The following SART3 variants were observed in gnomAD, a reference collection of about 807,000 sequenced individuals.
SART3 encodes the protein HIV-1 Tat-interacting protein of 110kDa.
SART3 carries 44 observed loss-of-function variants against 122.3 expected under a neutral mutation model. That is an observed-to-expected ratio of 0.36 (90% CI 0.28 to 0.46). The LOEUF is 0.46. Among genes scored for constraint, SART3 ranks in the 20% least tolerant of loss-of-function variants. The pLI is 1.00. For synonymous variants in SART3, 442 were observed against 454.0 expected (o/e 0.97, Z 0.34); for missense variants, 1,101 against 1,229.0 (o/e 0.90, Z 1.56).
intron 1 of SART3, among the ~76,000 whole-genome samples, chr12:108,557,951 C>T (rs1211021461): frequency 6.6e-6 from 1 of 152,144 alleles, no homozygotes; most frequent in Non-Finnish European, 1.5e-5. Flanking sequence ...ATCACTTCAG[C>T]TCAGGAATTC....
intron 4 of SART3, 107 bp from the exon 5 acceptor site, chr12:108,544,585 T>G (rs993736342): frequency 1.4e-5 from 21 of 1,504,674 alleles, no homozygotes; most frequent in African/African-American, 2.8e-5. Flanking sequence ...TCTTTTTCTT[T>G]TGAGAAGGGT....
In SART3 at chr12:108,532,275, C is replaced by T; in HGVS notation, c.1616G>A (p.Ser539Asn). The T allele has an allele frequency of 6.2e-7, 1 of 1,614,216 alleles. No individual in the cohort carries two copies. The highest frequency in any genetic ancestry group is 1.1e-5 in the South Asian group (1 of 91,088). Residue 539 changes from serine to asparagine, a missense_variant, in exon 13 of 19, where the codon AGT becomes AAT. Transcript: ENST00000546815. ...KALHRAVQCTSDYPEHVCEVL... is the reference protein window; with the variant it reads ...KALHRAVQCTNDYPEHVCEVL... ...TTCGCAGACGTGCTCTGGGTAGTCA[C>T]TGGTGCACTGGACGGCCCGGTGCAG...
intron 17 of SART3, 137 bp downstream of exon 17, chr12:108,525,320 C>A (rs1335500949): frequency 4.6e-6 from 4 of 871,432 alleles, no homozygotes; most frequent in Non-Finnish European, 7.5e-6. Context: ...AAGTGCAGAT[C>A]TTTCTGTGAA....
In SART3 at chr12:108,523,214, G is replaced by A; in HGVS notation, c.*243C>T. 1.7e-6 allele frequency: 1 copy of A among 588,748 alleles called. No homozygotes were observed. The highest frequency in any genetic ancestry group is 3.0e-5 in the Admixed American group (1 of 33,762). 36.5% of individuals were successfully genotyped at this position (588,748 alleles called of 1,614,324 possible). On this transcript the variant is annotated 3_prime_UTR_variant, in exon 19 of 19. Coordinates refer to ENST00000546815, the MANE Select transcript of SART3 (RefSeq NM_014706.4). ...GTCTTTAAGATACAAAACTATCTCA[G>A]GACACCACATCCTGGGCCCAGCCTG... is the stretch of plus-strand genomic sequence containing the variant.
chr12:108,530,049 G>C, intron 15 of SART3, 93 bp downstream of exon 15: 1 of 1,422,826 alleles, frequency 7.0e-7, no homozygotes, highest in Non-Finnish European at 9.9e-7. Flanking sequence ...TATCAAGCTG[G>C]TAACGGTTCA....
intron 5 of SART3, 91 bp from the exon 6 acceptor site, chr12:108,543,243 G>T (rs922108044): frequency 1.4e-6 from 2 of 1,467,548 alleles, no homozygotes; most frequent in East Asian, 2.3e-5. Context: ...GGTGCCACTA[G>T]CCCCTCCCAC....
intron 8 of SART3, 107 bp downstream of exon 8, chr12:108,537,957 TA>T: frequency 6.9e-7 from 1 of 1,455,530 alleles, no homozygotes; most frequent in Non-Finnish European, 9.6e-7. Context: ...CTACACTCCA[TA>T]ACCCAAAGAA....
chr12:108,533,317 T>G (rs139066844), intron 12 of SART3, among the ~76,000 whole-genome samples: 1 of 149,480 alleles, frequency 6.7e-6, no homozygotes, highest in Non-Finnish European at 1.5e-5. Flanking sequence ...GAAATCTTTT[T>G]AATGCACTGT....
chr12:108,525,869 AAAGC>A, intron 16 of SART3: 1 of 619,624 alleles, frequency 1.6e-6, no homozygotes, highest in Middle Eastern at 4.3e-4. Context: ...TGACACACAT[AAAGC>A]ATTCAGCACA....
intron 9 of SART3, 146 bp from the exon 10 acceptor site, chr12:108,536,931 C>T (rs1872933409): frequency 9.4e-6 from 7 of 746,930 alleles, no homozygotes; most frequent in African/African-American, 3.5e-5. Flanking sequence ...AATTCCTGCC[C>T]TCATCACATA....
At chr12:108,528,300 T>C (rs897584895) in intron 15 of SART3, among the ~76,000 whole-genome samples, 2 of 151,740 alleles carry the variant, frequency 1.3e-5, no homozygotes, top group Admixed American at 1.3e-4. Context: ...CTGGCTAACA[T>C]GGTGAAACCC....
chr12:108,539,215 C>G, intron 6 of SART3, 126 bp from the exon 7 acceptor site: 1 of 907,188 alleles, frequency 1.1e-6, no homozygotes, highest in Non-Finnish European at 1.7e-6. Flanking sequence ...ACTCTCAGAA[C>G]CACTCCACTA....
chr12:108,549,821 G>C (rs1372919073), intron 1 of SART3, among the ~76,000 whole-genome samples: 5 of 151,882 alleles, frequency 3.3e-5, no homozygotes, highest in Admixed American at 6.6e-5. Flanking sequence ...TTCGAGACCA[G>C]CCTCAGCAAC....
Position 108,524,231 on chromosome 12 carries a change from T to C in SART3, c.2714+85A>G, listed in dbSNP as rs917788469. On this transcript the variant is annotated intron_variant, in intron 18 of 18. Transcript: ENST00000546815. ...CTTTTCTGTCCTAACAGGAAGCTAA[T>C]TCATCCCGGGTTAATCCCCCCGTGA... is the stretch of plus-strand genomic sequence containing the variant. 5.2e-6 allele frequency: 6 copies of C among 1,159,600 alleles called. No homozygotes were observed. The African/African-American group carries it at 6.0e-5, about 12-fold the overall frequency. 71.8% of individuals were successfully genotyped at this position (1,159,600 alleles called of 1,614,324 possible).
intron 1 of SART3, among the ~76,000 whole-genome samples, chr12:108,558,747 G>C (rs564596790): frequency 6.6e-6 from 1 of 152,288 alleles, no homozygotes; most frequent in Admixed American, 6.5e-5. Context: ...TTTATAAAAA[G>C]TAGAGGGCAG....
At chr12:108,541,100 A>G (rs1056504775) in intron 6 of SART3, among the ~76,000 whole-genome samples, 1 of 152,230 alleles carries the variant, frequency 6.6e-6, no homozygotes, top group Non-Finnish European at 1.5e-5. Flanking sequence ...ATCAAAAGAC[A>G]CTGTTAAAAA....
rs376599668 is a variant in SART3, at chr12:108,535,283, G to A, written c.1556+76C>T. 6.1e-6 allele frequency: 7 copies of A among 1,147,422 alleles called. No individual in the cohort carries two copies. The African/African-American group carries it at 1.1e-4, about 17-fold the overall frequency. The allele number at this position is 1,147,422 out of a possible 1,614,324, so 71.1% of individuals were successfully genotyped here. A position where few individuals can be genotyped will look rare whatever the true frequency, so the allele number is the denominator to read the frequency against. On this transcript the variant is annotated intron_variant, in intron 12 of 18. Transcript: ENST00000546815. The stretch of plus-strand genomic sequence containing the variant: ...AGTTCTAAGGAGCTAGTCCAAGCTG[G>A]TAGGAGTCAGCCAGGAGTGAAGACA...
In SART3 at chr12:108,532,514, G is replaced by A. The variant is rs1302361977; in HGVS notation, c.1557-180C>T. ...TTCCAGAGTCTCTACAGTCACCTACGAAGTATTTCCCTGAAGCACTCTCTC... is the reference window on the plus strand; with the variant it reads ...TTCCAGAGTCTCTACAGTCACCTACAAAGTATTTCCCTGAAGCACTCTCTC... On this transcript the variant is annotated intron_variant, in intron 12 of 18. Coordinates refer to ENST00000546815, the MANE Select transcript of SART3 (RefSeq NM_014706.4). The A allele has an allele frequency of 1.2e-5, 7 of 588,858 alleles. No individual in the cohort carries two copies. The Admixed American group carries it at 1.3e-4, about 11-fold the overall frequency. The allele number at this position is 588,858 out of a possible 1,614,324, so 36.5% of individuals were successfully genotyped here.
In SART3 at chr12:108,526,557, C is replaced by G; in HGVS notation, c.1916-4G>C. ...CTTCTGCGTTTGGAAGGCTGCTCTA[C>G]AGGTTTTCAAAAGAAAAGTAGCCAT... On this transcript the variant is annotated splice_region_variant and splice_polypyrimidine_tract_variant and intron_variant, in intron 15 of 18. Transcript: ENST00000546815. 2 of 1,613,432 alleles carry G rather than the reference C, an allele frequency of 1.2e-6. No individual in the cohort carries two copies. The highest frequency in any genetic ancestry group is 1.7e-6 in the Non-Finnish European group (2 of 1,180,026).
Sources: gnomAD v4.1 joint callset for allele counts (sites outside exome capture counted in the v4.1 genomes callset) on GRCh38, gnomAD v4.1.1 for gene constraint, MANE v1.5 for transcripts, NCBI Gene and HGNC (gene_info 2026-07-23, HGNC 2026-07-21) for gene names.